The following WWOX variants were observed in gnomAD, a reference collection of about 807,000 sequenced individuals.
The protein encoded by WWOX is WW domain-containing oxidoreductase.
WWOX carries 69 observed loss-of-function variants against 46.2 expected under a neutral mutation model. The observed-to-expected ratio is 1.49, with a 90% CI of 1.23 to 1.82. The LOEUF (loss-of-function observed/expected upper bound fraction) is 1.82, where lower values mean the gene tolerates loss of function less well. Ranked by LOEUF, WWOX falls within the 40% of genes most tolerant of loss-of-function variation. The pLI is 0.00. For synonymous variants in WWOX, 359 were observed against 202.6 expected (o/e 1.77, Z -6.56); for missense variants, 919 against 542.6 (o/e 1.69, Z -6.89).
intron 8 of WWOX, among the ~76,000 whole-genome samples, chr16:79,139,540 C>G (rs972820427): frequency 6.6e-6 from 1 of 152,178 alleles, no homozygotes; most frequent in African/African-American, 2.4e-5. Flanking sequence ...ATGTCTTTAG[C>G]TTCTTTGGAA....
chr16:79,050,910 A>G (rs770996094), intron 8 of WWOX, among the ~76,000 whole-genome samples: 16 of 152,220 alleles, frequency 1.1e-4, no homozygotes, highest in Non-Finnish European at 2.4e-4. Flanking sequence ...TAAGCCCCAT[A>G]AAAGGCAAAG....
In WWOX at chr16:78,983,077, G is replaced by C. The variant is rs190759535; in HGVS notation, c.1057-228531G>C. Among the ~76,000 whole-genome samples the C allele has an allele frequency of 5.3e-4, 80 of 152,276 alleles. 1 individual carries two copies. Among genetic ancestry groups the C allele is most frequent in the Non-Finnish European group, 6.2e-4 (42 of 68,028 alleles). On this transcript the variant is annotated intron_variant, in intron 8 of 8. Coordinates refer to ENST00000566780, the MANE Select transcript of WWOX (RefSeq NM_016373.4). ...CCTGTAGTCTGAGTTTCTTGTGGAA[G>C]TGGGCTTGTGTTTTGCTTTTGTAGA...
chr16:78,134,720 T>C (rs2151700641), intron 4 of WWOX, among the ~76,000 whole-genome samples: 1 of 152,298 alleles, frequency 6.6e-6, no homozygotes, highest in African/African-American at 2.4e-5. Context: ...CTTGGGATCA[T>C]TTAGGTGTTG....
chr16:78,393,033 C>T (rs1429125488), intron 6 of WWOX, among the ~76,000 whole-genome samples: 3 of 152,132 alleles, frequency 2.0e-5, no homozygotes, highest in East Asian at 1.9e-4. Flanking sequence ...AAGTTCCAAA[C>T]CAAAGCCTGT....
chr16:78,483,907 G>A (rs1597148916), intron 8 of WWOX, among the ~76,000 whole-genome samples: 1 of 152,286 alleles, frequency 6.6e-6, no homozygotes, highest in East Asian at 1.9e-4. Flanking sequence ...GTGGGGCTTA[G>A]GGGGCAGGTT....
chr16:78,229,968 C>T (rs1028172788), intron 5 of WWOX, among the ~76,000 whole-genome samples: 6 of 152,096 alleles, frequency 3.9e-5, no homozygotes, highest in Non-Finnish European at 8.8e-5. Context: ...CAGCCTCGAC[C>T]TCTGGGGCTC....
chr16:78,142,521 T>G (rs1567595193), intron 4 of WWOX, among the ~76,000 whole-genome samples: 1 of 152,244 alleles, frequency 6.6e-6, no homozygotes, highest in Non-Finnish European at 1.5e-5. Flanking sequence ...ATCTTAGTGG[T>G]CATTCACCTT....
intron 8 of WWOX, among the ~76,000 whole-genome samples, chr16:78,874,196 C>T (rs1337004091): frequency 6.7e-6 from 1 of 148,284 alleles, no homozygotes; most frequent in Non-Finnish European, 1.5e-5. Context: ...GTGAAGGTTG[C>T]AGTGAGCTGA....
intron 8 of WWOX, among the ~76,000 whole-genome samples, chr16:78,926,074 T>C (rs562970546): frequency 6.6e-6 from 1 of 152,162 alleles, no homozygotes; most frequent in Non-Finnish European, 1.5e-5. Flanking sequence ...CTGCTGCTCT[T>C]GGTAGAGGTT....
At chr16:78,903,522 C>G (rs983960924) in intron 8 of WWOX, among the ~76,000 whole-genome samples, 4 of 152,258 alleles carry the variant, frequency 2.6e-5, no homozygotes, top group Admixed American at 6.5e-5. Context: ...AATTTCCCAT[C>G]TGCCCTGCAG....
chr16:78,844,460 C>G (rs1597709638), intron 8 of WWOX, among the ~76,000 whole-genome samples: 1 of 152,028 alleles, frequency 6.6e-6, no homozygotes, highest in Non-Finnish European at 1.5e-5. Flanking sequence ...ATAGGGAAGC[C>G]TTCTCTATTA....
At chr16:78,847,457 C>G (rs1448272728) in intron 8 of WWOX, among the ~76,000 whole-genome samples, 3 of 152,186 alleles carry the variant, frequency 2.0e-5, no homozygotes, top group Non-Finnish European at 2.9e-5. Context: ...GTACCTAATT[C>G]CAATCCAACA....
rs74030232 is a variant in WWOX at position 78,432,572 on chromosome 16, T to G, written c.876T>G (p.Ala292=). 455 of 1,614,208 alleles carry G rather than the reference T, an allele frequency of 2.8e-4. 1 individual carries two copies. The African/African-American group carries it at 5.1e-3, about 18-fold the overall frequency. ...PTKNDYWAML[A]YNRSKLCNIL... is the part of the protein sequence containing the mutation. ...AAAACGACTATTGGGCGATGCTGGC[T>G]TATAACAGGTCCAAGCTCTGCAACA... Residue 292 remains alanine, a synonymous_variant, in exon 8 of 9, where the codon GCT becomes GCG. Transcript: ENST00000566780.
At chr16:78,319,346 G>A (rs1175139792) in intron 5 of WWOX, among the ~76,000 whole-genome samples, 3 of 152,108 alleles carry the variant, frequency 2.0e-5, no homozygotes, top group Admixed American at 6.6e-5. Context: ...GTGCAGTGGC[G>A]CTATCATGGC....
intron 8 of WWOX, among the ~76,000 whole-genome samples, chr16:79,038,127 A>G (rs2047903422): frequency 6.6e-6 from 1 of 152,024 alleles, no homozygotes; most frequent in South Asian, 2.1e-4. Context: ...GTTCAAAAGG[A>G]TCTGTCCCCC....
chr16:78,320,867 G>C (rs2080452679), intron 5 of WWOX, among the ~76,000 whole-genome samples: 1 of 152,140 alleles, frequency 6.6e-6, no homozygotes, highest in Non-Finnish European at 1.5e-5. Context: ...GCCATGACTT[G>C]ATCACAAAAA....
At chr16:78,249,992 C>G (rs145043161) in intron 5 of WWOX, among the ~76,000 whole-genome samples, 222 of 152,274 alleles carry the variant, frequency 1.5e-3, no homozygotes, top group African/African-American at 5.2e-3. Flanking sequence ...CGGCTGAACA[C>G]ACAGTGATTC....
intron 5 of WWOX, among the ~76,000 whole-genome samples, chr16:78,249,549 C>G (rs1270222950): frequency 2.6e-5 from 4 of 152,170 alleles, no homozygotes; most frequent in African/African-American, 9.7e-5. Flanking sequence ...GCAGCCTGGG[C>G]TGAGTTTTTA....
chr16:78,779,823 AG>A (rs1409588355), intron 8 of WWOX, among the ~76,000 whole-genome samples: 1 of 151,912 alleles, frequency 6.6e-6, no homozygotes, highest in Non-Finnish European at 1.5e-5. Context: ...TCTGGCCCCA[AG>A]GAAGGAAAGG....
Sources: gnomAD v4.1 joint callset for allele counts (sites outside exome capture counted in the v4.1 genomes callset) on GRCh38, gnomAD v4.1.1 for gene constraint, MANE v1.5 for transcripts, NCBI Gene and HGNC (gene_info 2026-07-23, HGNC 2026-07-21) for gene names.